SLC35F3: variants seen among roughly 807,000 people sequenced by gnomAD.
The protein encoded by SLC35F3 is putative thiamine transporter SLC35F3.
SLC35F3 carries 25 observed loss-of-function variants against 49.9 expected under a neutral mutation model. That is an observed-to-expected ratio of 0.50 (90% CI 0.37 to 0.70). SLC35F3 has a LOEUF of 0.70. Among genes scored for constraint, SLC35F3 ranks in the 30% least tolerant of loss-of-function variants. The probability of loss-of-function intolerance (pLI) is 0.00; values close to 1 mark genes in which losing one functional copy is unlikely to be tolerated. For synonymous variants in SLC35F3, 275 were observed against 265.4 expected (o/e 1.04, Z -0.35); for missense variants, 525 against 639.8 (o/e 0.82, Z 1.94).
intron 3 of SLC35F3, among the ~76,000 whole-genome samples, chr1:234,234,219 C>T (rs1667428205): frequency 6.6e-6 from 1 of 152,160 alleles, no homozygotes; most frequent in South Asian, 2.1e-4. Context: ...TAGCAGGGAG[C>T]TGGGAAGAAA....
chr1:234,260,280 G>A (rs1043239821), intron 3 of SLC35F3, among the ~76,000 whole-genome samples: 22 of 152,198 alleles, frequency 1.4e-4, no homozygotes, highest in African/African-American at 4.1e-4. Context: ...TCTGCACTTC[G>A]TGAAAGGCTG....
chr1:234,012,785 C>T (rs1216791703), intron 2 of SLC35F3, among the ~76,000 whole-genome samples: 3 of 152,176 alleles, frequency 2.0e-5, no homozygotes, highest in African/African-American at 7.2e-5. Flanking sequence ...TACATAGACA[C>T]AGTAACAGTC....
intron 2 of SLC35F3, among the ~76,000 whole-genome samples, chr1:233,920,062 G>A (rs1429440872): frequency 6.6e-6 from 1 of 152,182 alleles, no homozygotes; most frequent in Non-Finnish European, 1.5e-5. Context: ...GAGACCTGAA[G>A]TTACAGAGTA....
chr1:234,031,117 A>G (rs1664055817), intron 2 of SLC35F3, among the ~76,000 whole-genome samples: 1 of 152,188 alleles, frequency 6.6e-6, no homozygotes, highest in Admixed American at 6.5e-5. Context: ...TCCACAACCA[A>G]GTGGCCTCTT....
intron 4 of SLC35F3, among the ~76,000 whole-genome samples, chr1:234,310,219 A>G (rs1189983401): frequency 6.6e-6 from 1 of 152,160 alleles, no homozygotes; most frequent in East Asian, 1.9e-4. Context: ...TCCTGTAGTT[A>G]GTGTACAGCT....
At position 234,231,137 on chromosome 1, in the gene SLC35F3, C is replaced by T. The variant is rs943710410; in HGVS notation, c.284-280C>T. ...GTCTGGGGTGAGCCCTGAGATTCTGCATTTCCAACACGTTCCGGGGACGGA... is the reference window on the plus strand; with the variant it reads ...GTCTGGGGTGAGCCCTGAGATTCTGTATTTCCAACACGTTCCGGGGACGGA... On this transcript the variant is annotated intron_variant, in intron 2 of 7. Transcript: ENST00000366618. This position sits in a 1 kb window ranked among gnomAD's most constrained non-coding sequence, Gnocchi z 5.4. 6.6e-6 allele frequency among the ~76,000 whole-genome samples: 1 copy of T among 152,216 alleles called. No individual in the cohort carries two copies. The highest frequency in any genetic ancestry group is 1.5e-5 in the Non-Finnish European group (1 of 68,034).
intron 2 of SLC35F3, among the ~76,000 whole-genome samples, chr1:234,191,236 A>G (rs1572088393): frequency 6.6e-6 from 1 of 152,358 alleles, no homozygotes; most frequent in East Asian, 1.9e-4. Context: ...AACTGAAATT[A>G]TGTCAAGTAC....
intron 2 of SLC35F3, among the ~76,000 whole-genome samples, chr1:233,947,157 A>T (rs947989380): frequency 6.6e-6 from 1 of 152,202 alleles, no homozygotes; most frequent in Non-Finnish European, 1.5e-5. Context: ...AACTAATTCA[A>T]GTTTTTAAAA....
At chr1:233,970,249 T>C (rs559529956) in intron 2 of SLC35F3, among the ~76,000 whole-genome samples, 1 of 152,132 alleles carries the variant, frequency 6.6e-6, no homozygotes, top group Admixed American at 6.5e-5. Flanking sequence ...CTGGGGGTCT[T>C]GGGAAAGGGA....
chr1:234,071,044 A>C (rs1664706455), intron 2 of SLC35F3, among the ~76,000 whole-genome samples: 1 of 152,200 alleles, frequency 6.6e-6, no homozygotes, highest in Non-Finnish European at 1.5e-5. Flanking sequence ...TATCAGAGAA[A>C]GTCTGTCTTG....
At chr1:234,316,411 T>C (rs754184525) in intron 4 of SLC35F3, among the ~76,000 whole-genome samples, 191 bp from the exon 5 acceptor site, 1 of 152,244 alleles carries the variant, frequency 6.6e-6, no homozygotes, top group Non-Finnish European at 1.5e-5. Context: ...AAGTGCCCTC[T>C]CTAAGCAGCA....
At chr1:234,015,117 G>A (rs182881721) in intron 2 of SLC35F3, among the ~76,000 whole-genome samples, 10 of 152,130 alleles carry the variant, frequency 6.6e-5, no homozygotes, top group East Asian at 3.9e-4. Context: ...AGGCCGAGGC[G>A]GGTGCATCAC....
At chr1:233,952,214 T>C (rs1662619635) in intron 2 of SLC35F3, among the ~76,000 whole-genome samples, 1 of 152,224 alleles carries the variant, frequency 6.6e-6, no homozygotes, top group African/African-American at 2.4e-5. Context: ...CATTATGCTT[T>C]GTTAAATGCT....
intron 3 of SLC35F3, among the ~76,000 whole-genome samples, chr1:234,300,278 T>C (rs1439943660): frequency 6.6e-6 from 1 of 152,234 alleles, no homozygotes; most frequent in African/African-American, 2.4e-5. Flanking sequence ...GCATCCCACA[T>C]ATAAACTGCA....
chr1:234,040,814 G>A (rs78920036), intron 2 of SLC35F3, among the ~76,000 whole-genome samples: 2,643 of 152,270 alleles, frequency 0.017, 87 homozygotes, highest in African/African-American at 0.055. Flanking sequence ...TTTGGGGACC[G>A]ACTTTATTCT....
rs773492917 is a variant in SLC35F3 at position 234,320,691 on chromosome 1, T to C, written c.1237+504T>C. 6.6e-5 allele frequency among the ~76,000 whole-genome samples: 10 copies of C among 152,208 alleles called. No individual in the cohort carries two copies. The highest frequency in any genetic ancestry group is 6.5e-5 in the Admixed American group (1 of 15,282). Reference sequence around the variant, plus strand: ...GAAGAAGCGTGAACGGCATTTTCCCTGACCTCCGGGAAGACAGGGAGAGAA... The same window carrying C: ...GAAGAAGCGTGAACGGCATTTTCCCCGACCTCCGGGAAGACAGGGAGAGAA... On this transcript the variant is annotated intron_variant, in intron 7 of 7. Transcript: ENST00000366618. The surrounding 1 kb of genome is among the most constrained non-coding windows in gnomAD (Gnocchi z 4.8).
At chr1:234,185,294 G>A (rs1666626724) in intron 2 of SLC35F3, among the ~76,000 whole-genome samples, 1 of 152,160 alleles carries the variant, frequency 6.6e-6, no homozygotes, top group South Asian at 2.1e-4. Flanking sequence ...AGGGACACCC[G>A]AGATGTGTCC....
intron 2 of SLC35F3, among the ~76,000 whole-genome samples, chr1:233,992,611 A>C (rs1663382494): frequency 6.6e-6 from 1 of 152,214 alleles, no homozygotes; most frequent in South Asian, 2.1e-4. Flanking sequence ...GGTCTGTCCT[A>C]TGACCCAAAC....
intron 2 of SLC35F3, among the ~76,000 whole-genome samples, chr1:234,114,280 T>G (rs1665450861): frequency 6.6e-6 from 1 of 152,216 alleles, no homozygotes; most frequent in South Asian, 2.1e-4. Flanking sequence ...GAAAACAAAT[T>G]TGAAAAATGT....
Sources: allele counts gnomAD v4.1 joint callset (sites outside exome capture counted in the v4.1 genomes callset), GRCh38; gene constraint gnomAD v4.1.1; non-coding constraint Gnocchi (gnomAD v3.1); transcripts MANE v1.5; gene names NCBI Gene and HGNC (gene_info 2026-07-23, HGNC 2026-07-21).